Variants in RASGRP4 observed in about 807,000 individuals in gnomAD.
RASGRP4 encodes the protein RAS guanyl releasing protein 4.
Under a neutral mutation model 84.4 loss-of-function variants are expected in RASGRP4, and 52 were observed. The observed-to-expected ratio is 0.62, with a 90% CI of 0.49 to 0.78. The LOEUF (loss-of-function observed/expected upper bound fraction) is 0.78, where lower values mean the gene tolerates loss of function less well. Ranked by LOEUF, RASGRP4 falls within the 30% of genes least tolerant of loss-of-function variation. The pLI, the probability that RASGRP4 is intolerant of heterozygous loss-of-function variation, is 0.00. For synonymous variants in RASGRP4, 356 were observed against 359.1 expected, an observed-to-expected ratio of 0.99 and a Z score of 0.10; for missense variants, 760 against 886.9, an observed-to-expected ratio of 0.86 and a Z score of 1.82.
chr19:38,419,991 GGCCAGGGCC>G lies in RASGRP4; in HGVS notation c.523_531del (p.Gly175_Gly177del). ...CCTGGGCTGCTCATTGGGAGTGGGG[GGCCAGGGCC>G]ACCAGGGCTCAGGCTGGGGGCCAAG... On this transcript the variant is annotated inframe_deletion, in exon 6 of 17. Transcript: ENST00000615439. The G allele has an allele frequency of 6.2e-7, 1 of 1,613,878 alleles. No homozygotes were observed.
intron 4 of RASGRP4, among the ~76,000 whole-genome samples, 172 bp downstream of exon 4, chr19:38,420,736 C>T (rs1346923757): frequency 1.3e-5 from 2 of 151,842 alleles, no homozygotes; most frequent in Admixed American, 6.6e-5. Context: ...AGGAACGGAA[C>T]TAAGAGGGTC....
chr19:38,415,068 C>A lies in RASGRP4; in HGVS notation c.1010G>T (p.Arg337Leu). 6.2e-7 allele frequency: 1 copy of A among 1,602,348 alleles called. No homozygotes were observed. The highest frequency in any genetic ancestry group is 8.5e-7 in the Non-Finnish European group (1 of 1,174,886). ...ACCCGCGCAGCCAGCCCAGGTGCGG[C>A]GGTAGCGGGCGTAGTTGTTGTGGGA... ...LASHNNYARYRRTWAGCAGFR... is the reference protein window; with the variant it reads ...LASHNNYARYLRTWAGCAGFR... Residue 337 changes from arginine to leucine, a missense_variant, in exon 9 of 17, where the codon CGC (arginine) becomes CTC (leucine). Coordinates refer to ENST00000615439, the MANE Select transcript of RASGRP4 (RefSeq NM_170604.3).
At position 38,412,415 on chromosome 19, in the gene RASGRP4, C is replaced by T. The variant is rs78834767; in HGVS notation, c.1680+257G>A. 32,138 of 470,844 alleles carry T rather than the reference C, an allele frequency of 0.068. 1,307 individuals are homozygous for T. Among genetic ancestry groups the T allele is most frequent in the African/African-American group, 0.095 (4,838 of 50,970 alleles). The allele number at this position is 470,844 out of a possible 1,614,324, so 29.2% of individuals were successfully genotyped here. A position where few individuals can be genotyped will look rare whatever the true frequency, so the allele number is the denominator to read the frequency against. On this transcript the variant is annotated intron_variant, in intron 13 of 16. Coordinates refer to ENST00000615439, the MANE Select transcript of RASGRP4 (RefSeq NM_170604.3). This position sits in a 1 kb window ranked among gnomAD's most constrained non-coding sequence, Gnocchi z 4.6. ...GGGATTACAGGCGTGAGCCACCACT[C>T]CTGGCCTCCTATCTAGAGTTTTAGG...
chr19:38,412,608 G>A lies in RASGRP4; in HGVS notation c.1680+64C>T. ...TTCTGGAATTTGGGGGTTATCTGGG[G>A]TTTGCGGACTGCCGGCTTCAGGACA... is the stretch of plus-strand genomic sequence containing the variant. On this transcript the variant is annotated intron_variant, in intron 13 of 16. Coordinates refer to ENST00000615439, the MANE Select transcript of RASGRP4 (RefSeq NM_170604.3). This position sits in a 1 kb window ranked among gnomAD's most constrained non-coding sequence, Gnocchi z 4.6. 1 of 1,522,598 alleles carries A rather than the reference G, an allele frequency of 6.6e-7. No homozygotes were observed. Among genetic ancestry groups the A allele is most frequent in the South Asian group, 1.2e-5 (1 of 82,314 alleles). 94.3% of individuals were successfully genotyped at this position (1,522,598 alleles called of 1,614,324 possible).
At chr19:38,423,244 G>A (rs780481701) in intron 1 of RASGRP4, among the ~76,000 whole-genome samples, 10 of 152,214 alleles carry the variant, frequency 6.6e-5, no homozygotes, top group Non-Finnish European at 1.2e-4. Context: ...AAGGCTCTTG[G>A]ACCAGTGTGA....
intron 1 of RASGRP4, among the ~76,000 whole-genome samples, chr19:38,422,987 C>G (rs1971825755): frequency 6.6e-6 from 1 of 151,888 alleles, no homozygotes; most frequent in Admixed American, 6.6e-5. Context: ...ATCATAAGAA[C>G]TCCTTCCCCA....
At chr19:38,421,061 C>A in intron 3 of RASGRP4, 34 bp downstream of exon 3, 1 of 1,606,346 alleles carries the variant, frequency 6.2e-7, no homozygotes, top group Non-Finnish European at 8.5e-7. Context: ...CTGCCCTCTG[C>A]CCTCCACCCA....
chr19:38,421,256 G>A (rs1005291197), intron 2 of RASGRP4, 56 bp from the exon 3 acceptor site: 15 of 1,275,282 alleles, frequency 1.2e-5, no homozygotes, highest in Middle Eastern at 2.5e-4. Context: ...AATGCAGAGC[G>A]TAGCTCCAGA....
At position 38,410,879 on chromosome 19, in the gene RASGRP4, T is replaced by G. The variant is rs202225364; in HGVS notation, c.1965+7A>C. ...TCCACTTGGGGGTAGGGGCGGTTTC[T>G]CCTCACCGTATCTGTTTCCCAGGAA... On this transcript the variant is annotated splice_region_variant and intron_variant, in intron 16 of 16. Coordinates refer to ENST00000615439, the MANE Select transcript of RASGRP4 (RefSeq NM_170604.3). The G allele has an allele frequency of 1.9e-6, 3 of 1,580,330 alleles. No individual in the cohort carries two copies. The highest frequency in any genetic ancestry group is 2.6e-6 in the Non-Finnish European group (3 of 1,161,728).
Position 38,419,936 on chromosome 19 carries a change from A to G in RASGRP4, c.587T>C (p.Leu196Pro), listed in dbSNP as rs776401639. The G allele has an allele frequency of 6.2e-7, 1 of 1,613,840 alleles. No individual in the cohort carries two copies. The highest frequency in any genetic ancestry group is 8.5e-7 in the Non-Finnish European group (1 of 1,179,846). Residue 196 changes from leucine to proline, a missense_variant, in exon 6 of 17, where the codon CTT becomes CCT. Physicochemically the swap from Leu to Pro is moderately conservative, Grantham distance 98. Coordinates refer to ENST00000615439, the MANE Select transcript of RASGRP4 (RefSeq NM_170604.3). The stretch of plus-strand genomic sequence containing the variant: ...CTCCCCCGTCTCCAAGTGGTCGAAA[A>G]GCAAGGACACTTTGCGCTTTTTGCC... ...GLGKKRKVSL[L>P]FDHLETGELA...
At chr19:38,411,628 A>C in intron 13 of RASGRP4, 1 of 506,636 alleles carries the variant, frequency 2.0e-6, no homozygotes, top group Non-Finnish European at 3.5e-6. Context: ...TCAGGATTGG[A>C]GGCTGCAATG....
In RASGRP4 at chr19:38,409,802, A is replaced by G; in HGVS notation, c.*238T>C. The G allele has an allele frequency of 2.4e-6, 1 of 416,362 alleles. No individual in the cohort carries two copies. Among genetic ancestry groups the G allele is most frequent in the South Asian group, 4.0e-5 (1 of 24,860 alleles). The allele number at this position is 416,362 out of a possible 1,614,324, so 25.8% of individuals were successfully genotyped here. On this transcript the variant is annotated 3_prime_UTR_variant, in exon 17 of 17. Transcript: ENST00000615439. The stretch of plus-strand genomic sequence containing the variant: ...TGAGGCCTGAGTCTAAATGTATCCA[A>G]CACACAGCCGCACAGATACTAAGTG...
At chr19:38,416,542 G>A (rs1273943201) in intron 8 of RASGRP4, among the ~76,000 whole-genome samples, 1 of 151,686 alleles carries the variant, frequency 6.6e-6, no homozygotes, top group Non-Finnish European at 1.5e-5. Context: ...GAAACACCTG[G>A]GCTAAAGTGA....
Position 38,412,466 on chromosome 19 carries a change from T to G in RASGRP4, c.1680+206A>C. 4 of 594,034 alleles carry G rather than the reference T, an allele frequency of 6.7e-6. No homozygotes were observed. Among genetic ancestry groups the G allele is most frequent in the Non-Finnish European group, 8.8e-6 (3 of 339,752 alleles). 36.8% of individuals were successfully genotyped at this position (594,034 alleles called of 1,614,324 possible). A position where few individuals can be genotyped will look rare whatever the true frequency, so the allele number is the denominator to read the frequency against. ...TATTATCCATGGTTCAGCAATTGTC[T>G]GGGGTGGACATTATCTGGGATTTTG... On this transcript the variant is annotated intron_variant, in intron 13 of 16. Coordinates refer to ENST00000615439, the MANE Select transcript of RASGRP4 (RefSeq NM_170604.3). The surrounding 1 kb of genome is among the most constrained non-coding windows in gnomAD (Gnocchi z 4.6).
chr19:38,421,344 C>A, intron 2 of RASGRP4, 144 bp from the exon 3 acceptor site: 1 of 640,498 alleles, frequency 1.6e-6, no homozygotes, highest in Non-Finnish European at 2.8e-6. Context: ...ACCTAACCTC[C>A]TGTGCCTCAG....
At position 38,410,028 on chromosome 19, in the gene RASGRP4, A is replaced by G; in HGVS notation, c.*12T>C. On this transcript the variant is annotated 3_prime_UTR_variant, in exon 17 of 17. Coordinates refer to ENST00000615439, the MANE Select transcript of RASGRP4 (RefSeq NM_170604.3). ...GGGAAGGGAGTGAGGAAGAGAGGAG[A>G]CCAAGAGATGTCTAGGAATCCAGCT... 6.2e-7 allele frequency: 1 copy of G among 1,607,474 alleles called. No homozygotes were observed. Among genetic ancestry groups the G allele is most frequent in the Non-Finnish European group, 8.5e-7 (1 of 1,175,868 alleles).
intron 13 of RASGRP4, 130 bp from the exon 14 acceptor site, chr19:38,411,511 G>T: frequency 3.4e-6 from 3 of 890,120 alleles, no homozygotes; most frequent in Non-Finnish European, 5.0e-6. Flanking sequence ...GATTTAACTG[G>T]AATTAAAGGA....
In RASGRP4 at chr19:38,420,174, C is replaced by G; in HGVS notation, c.466G>C (p.Glu156Gln). The G allele has an allele frequency of 6.2e-7, 1 of 1,613,616 alleles. No individual in the cohort carries two copies. ...IGRFWATVAREGNSAQRRLGD... is the reference protein window; with the variant it reads ...IGRFWATVARQGNSAQRRLGD... ...AGTCTTCTCTGGGCTGAGTTGCCCT[C>G]CCGGGCCACGGTGGCCCAGAAACGA... Residue 156 changes from glutamate (E) to glutamine (Q), a missense_variant, in exon 5 of 17, where the codon GAG becomes CAG. Physicochemically the swap from Glu to Gln is conservative, Grantham distance 29 (BLOSUM62 2). Coordinates refer to ENST00000615439, the MANE Select transcript of RASGRP4 (RefSeq NM_170604.3).
intron 1 of RASGRP4, among the ~76,000 whole-genome samples, chr19:38,424,769 G>A (rs1376901734): frequency 6.6e-6 from 1 of 151,994 alleles, no homozygotes. Context: ...CCTAGGCTAA[G>A]GAAGGAGCAT....
Sources: allele counts gnomAD v4.1 joint callset (sites outside exome capture counted in the v4.1 genomes callset), GRCh38; gene constraint gnomAD v4.1.1; non-coding constraint Gnocchi (gnomAD v3.1); transcripts MANE v1.5; gene names NCBI Gene and HGNC (gene_info 2026-07-23, HGNC 2026-07-21).